GALNTL6: variants seen among roughly 807,000 people sequenced by gnomAD.
The protein encoded by GALNTL6 is polypeptide N-acetylgalactosaminyltransferase like 6, also known as polypeptide N-acetylgalactosaminyltransferase-like 6.
A neutral mutation model predicts 73.7 loss-of-function variants in GALNTL6; 46 were observed. The observed-to-expected ratio is 0.62, with a 90% CI of 0.49 to 0.80. The LOEUF is 0.80. GALNTL6 is among the 30% of genes least tolerant of loss of function. The pLI, the probability that GALNTL6 is intolerant of heterozygous loss-of-function variation, is 0.00. For synonymous variants in GALNTL6, 259 were observed against 263.7 expected, an observed-to-expected ratio of 0.98 and a Z score of 0.17; for missense variants, 604 against 755.0, an observed-to-expected ratio of 0.80 and a Z score of 2.34.
intron 5 of GALNTL6, among the ~76,000 whole-genome samples, chr4:172,475,310 T>C (rs1258838442): frequency 1.3e-5 from 2 of 152,210 alleles, no homozygotes; most frequent in South Asian, 2.1e-4. Context: ...TTATGTGTTA[T>C]GATTCATGGT....
At chr4:171,905,167 A>G (rs2110950618) in intron 2 of GALNTL6, among the ~76,000 whole-genome samples, 1 of 152,192 alleles carries the variant, frequency 6.6e-6, no homozygotes, top group Admixed American at 6.5e-5. Flanking sequence ...ATGTAAATGG[A>G]CTAAATGCTC....
chr4:172,560,112 A>G (rs1736299988), intron 5 of GALNTL6, among the ~76,000 whole-genome samples: 1 of 152,180 alleles, frequency 6.6e-6, no homozygotes, highest in South Asian at 2.1e-4. Flanking sequence ...GTTCAGATTC[A>G]ATTCAGTAGA....
At chr4:172,963,554 T>G (rs1409673120) in intron 10 of GALNTL6, among the ~76,000 whole-genome samples, 1 of 152,202 alleles carries the variant, frequency 6.6e-6, no homozygotes, top group Admixed American at 6.5e-5. Flanking sequence ...AGGTGCTTCA[T>G]AAATATTTGT....
At chr4:172,629,748 A>G (rs189397731) in intron 5 of GALNTL6, among the ~76,000 whole-genome samples, 52 of 152,318 alleles carry the variant, frequency 3.4e-4, no homozygotes, top group African/African-American at 1.2e-3. Context: ...AGCAATGGGA[A>G]TTCCAATGAT....
intron 5 of GALNTL6, among the ~76,000 whole-genome samples, chr4:172,565,470 T>C (rs1246526630): frequency 6.6e-6 from 1 of 152,224 alleles, no homozygotes; most frequent in Non-Finnish European, 1.5e-5. Flanking sequence ...GGTCTATGAT[T>C]CTCTTCATGT....
At chr4:172,183,213 G>A (rs1179147116) in intron 2 of GALNTL6, among the ~76,000 whole-genome samples, 1 of 152,144 alleles carries the variant, frequency 6.6e-6, no homozygotes, top group Non-Finnish European at 1.5e-5. Context: ...GAACATATCT[G>A]TTTTACCAAA....
chr4:172,146,546 T>C (rs572559064), intron 2 of GALNTL6, among the ~76,000 whole-genome samples: 32 of 152,350 alleles, frequency 2.1e-4, no homozygotes, highest in African/African-American at 7.5e-4. Flanking sequence ...ATTTGTTAAA[T>C]GGCAGCATGG....
intron 9 of GALNTL6, among the ~76,000 whole-genome samples, chr4:172,942,422 T>C (rs989442759): frequency 2.6e-5 from 4 of 152,216 alleles, no homozygotes; most frequent in African/African-American, 9.6e-5. Context: ...CTTTGGGTGA[T>C]GATTAGAAAA....
At chr4:172,467,031 G>C (rs1194173810) in intron 5 of GALNTL6, among the ~76,000 whole-genome samples, 1 of 152,088 alleles carries the variant, frequency 6.6e-6, no homozygotes, top group East Asian at 1.9e-4. Flanking sequence ...AATTTAACTG[G>C]ACTACTCTAA....
intron 5 of GALNTL6, among the ~76,000 whole-genome samples, chr4:172,783,361 A>G (rs1739474179): frequency 1.4e-5 from 2 of 147,784 alleles, no homozygotes; most frequent in Admixed American, 6.8e-5. Flanking sequence ...ATATATAAAT[A>G]GTGTATTAAT....
At chr4:172,944,237 G>A (rs1168864101) in intron 9 of GALNTL6, among the ~76,000 whole-genome samples, 1 of 152,150 alleles carries the variant, frequency 6.6e-6, no homozygotes, top group Non-Finnish European at 1.5e-5. Flanking sequence ...CCAAAGGTTT[G>A]TATCCATAAT....
At chr4:172,981,179 C>T (rs147074262) in intron 10 of GALNTL6, among the ~76,000 whole-genome samples, 14 of 152,308 alleles carry the variant, frequency 9.2e-5, no homozygotes, top group African/African-American at 3.1e-4. Flanking sequence ...AATATCTGTT[C>T]AAGCCCTTGC....
chr4:172,487,544 A>G (rs1733741569), intron 5 of GALNTL6, among the ~76,000 whole-genome samples: 1 of 151,498 alleles, frequency 6.6e-6, no homozygotes, highest in African/African-American at 2.4e-5. Flanking sequence ...GGGCCACCAC[A>G]TCTAGCTAAT....
At chr4:172,727,662 T>C (rs892331712) in intron 5 of GALNTL6, among the ~76,000 whole-genome samples, 6 of 152,144 alleles carry the variant, frequency 3.9e-5, no homozygotes, top group Non-Finnish European at 1.5e-5. Flanking sequence ...ACTCAATTTG[T>C]TGTGTTGTAT....
At chr4:172,224,685 C>T (rs1322873591) in intron 2 of GALNTL6, among the ~76,000 whole-genome samples, 1 of 152,166 alleles carries the variant, frequency 6.6e-6, no homozygotes, top group Non-Finnish European at 1.5e-5. Flanking sequence ...CAGAGCCCAT[C>T]ACTCCTTAGA....
chr4:171,917,690 T>A (rs951384649), intron 2 of GALNTL6, among the ~76,000 whole-genome samples: 3 of 152,114 alleles, frequency 2.0e-5, no homozygotes, highest in African/African-American at 7.2e-5. Context: ...CCAAAACGAT[T>A]TCTGGGGCTT....
chr4:171,897,042 A>C (rs1390137642), intron 2 of GALNTL6, among the ~76,000 whole-genome samples: 1 of 152,070 alleles, frequency 6.6e-6, no homozygotes, highest in Non-Finnish European at 1.5e-5. Context: ...ATTAACTGAA[A>C]ATCACAATGA....
chr4:171,883,704 G>T (rs527560015), intron 2 of GALNTL6, among the ~76,000 whole-genome samples: 13 of 151,402 alleles, frequency 8.6e-5, no homozygotes, highest in African/African-American at 2.9e-4. Flanking sequence ...CTGGACTGCA[G>T]TGGCGCTATC....
intron 5 of GALNTL6, among the ~76,000 whole-genome samples, chr4:172,767,915 G>T (rs1028371788): frequency 1.3e-5 from 2 of 151,972 alleles, no homozygotes; most frequent in African/African-American, 4.8e-5. Flanking sequence ...TGATCCGCCG[G>T]TGTCAGCCTC....
Sources: gnomAD v4.1 joint callset for allele counts (sites outside exome capture counted in the v4.1 genomes callset) on GRCh38, gnomAD v4.1.1 for gene constraint, MANE v1.5 for transcripts, NCBI Gene and HGNC (gene_info 2026-07-23, HGNC 2026-07-21) for gene names.